The following ING5 variants were observed in gnomAD, a reference collection of about 807,000 sequenced individuals.
The protein encoded by ING5 is inhibitor of growth family member 5.
In ING5, 17 loss-of-function variants were observed where a neutral mutation model predicts 37.4. The observed-to-expected ratio is 0.45, with a 90% confidence interval of 0.31 to 0.68. The LOEUF is 0.68. Among genes scored for constraint, ING5 ranks in the 30% least tolerant of loss-of-function variants. ING5 has a pLI of 0.05. For synonymous variants in ING5, 123 were observed against 116.6 expected (o/e 1.06, Z -0.36); for missense variants, 233 against 311.9 (o/e 0.75, Z 1.91).
At chr2:241,702,025 CCG>C, upstream of ING5, 1 of 1,343,032 alleles carries the variant, frequency 7.4e-7, no homozygotes. Flanking sequence ...TCCCGCGGCA[CCG>C]CCCGCCCGCG....
At chr2:241,702,197 G>T in intron 1 of ING5, 95 bp downstream of exon 1, 1 of 594,656 alleles carries the variant, frequency 1.7e-6, no homozygotes, top group South Asian at 7.1e-5. Context: ...AGACCCCGTG[G>T]GCTCGGGAGG....
rs1455673000 is a variant in ING5, at chr2:241,710,046, G to A, written c.276+664G>A. Among the ~76,000 whole-genome samples, 6 of 151,530 alleles carry A rather than the reference G, an allele frequency of 4.0e-5. No homozygotes were observed. In the East Asian group the frequency reaches 7.8e-4, roughly 20 times the overall value. On this transcript the variant is annotated intron_variant, in intron 3 of 7. Transcript: ENST00000313552. ...CAACCTCCACCTCCTGGGTTTAAGC[G>A]ATTCTCCTGCCTCAGTCTCCCGAGT...
In ING5 at chr2:241,726,897, C is replaced by A. The variant is rs1691643023; in HGVS notation, c.*1866C>A. 1 of 152,132 alleles carries A rather than the reference C, an allele frequency of 6.6e-6. No homozygotes were observed. The highest frequency in any genetic ancestry group is 6.6e-5 in the Admixed American group (1 of 15,266). The allele number at this position is 152,132 out of a possible 1,614,324, so 9.4% of individuals were successfully genotyped here. On this transcript the variant is annotated 3_prime_UTR_variant, in exon 8 of 8. Transcript: ENST00000313552. ...GCAAGCTCCGCCTCCCGGGTTCACG[C>A]CATTCTCCTGCCTCAGCCCCCCCGA...
chr2:241,694,952 G>GGAGATTGCAGTGAGCC (rs1305093667), intron 2 of ING5, among the ~76,000 whole-genome samples: 2 of 81,522 alleles, frequency 2.5e-5, no homozygotes, highest in Non-Finnish European at 4.8e-5. Flanking sequence ...CCCAGGAGGA[G>GGAGATTGCAGTGAGCC]GAGATTGCAG....
chr2:241,695,744 T>C (rs1301730336), intron 2 of ING5, among the ~76,000 whole-genome samples: 1 of 152,146 alleles, frequency 6.6e-6, no homozygotes, highest in Non-Finnish European at 1.5e-5. Flanking sequence ...CGGTGATACA[T>C]AATGGGAACA....
exon 2 of ING5, chr2:241,690,221 A>G (rs2069529966): frequency 6.1e-6 from 1 of 163,366 alleles, no homozygotes; most frequent in South Asian, 2.0e-4. Flanking sequence ...AAGCACCTTG[A>G]AGTGTGTTAC....
At chr2:241,713,244 G>C (rs1171793919) in intron 5 of ING5, among the ~76,000 whole-genome samples, 1 of 151,718 alleles carries the variant, frequency 6.6e-6, no homozygotes, top group Non-Finnish European at 1.5e-5. Context: ...TTTTAGTAGA[G>C]ATGGGATTTC....
chr2:241,713,224 G>C (rs2124921145), intron 5 of ING5, among the ~76,000 whole-genome samples: 1 of 151,230 alleles, frequency 6.6e-6, no homozygotes, highest in South Asian at 2.1e-4. Flanking sequence ...GCCCGGCTAA[G>C]TTTTTGTATT....
chr2:241,720,719 G>A, intron 5 of ING5: 2 of 985,624 alleles, frequency 2.0e-6, no homozygotes, highest in Non-Finnish European at 2.4e-6. Context: ...TGGGGAGTTA[G>A]CACAGAGGGT....
intron 2 of ING5, among the ~76,000 whole-genome samples, chr2:241,706,094 A>G (rs2069902194): frequency 6.6e-6 from 1 of 151,926 alleles, no homozygotes; most frequent in South Asian, 2.1e-4. Context: ...CAGGCTGTCT[A>G]CCCTGACAGT....
intron 1 of ING5, among the ~76,000 whole-genome samples, chr2:241,702,583 G>A (rs1042458994): frequency 2.6e-5 from 4 of 152,044 alleles, no homozygotes; most frequent in Admixed American, 6.5e-5. Context: ...CCGGCCTCTT[G>A]TGTGACCGCG....
intron 5 of ING5, chr2:241,719,626 A>G: frequency 2.0e-6 from 3 of 1,535,772 alleles, no homozygotes; most frequent in Non-Finnish European, 2.6e-6. Context: ...TGCTAGGCAT[A>G]AGGAATGCAG....
intron 5 of ING5, chr2:241,720,591 G>A (rs34452219): frequency 0.4 from 398,836 of 986,042 alleles, 81,376 homozygotes; most frequent in South Asian, 0.49. Flanking sequence ...CTGGAATCCC[G>A]GGGCTTGGAC....
chr2:241,723,942 C>T lies in ING5; in HGVS notation c.680+671C>T, dbSNP rs560324207. 5.7e-5 allele frequency: 73 copies of T among 1,279,370 alleles called. No individual in the cohort carries two copies. In the South Asian group the frequency reaches 7.2e-4, roughly 13 times the overall value. The allele number at this position is 1,279,370 out of a possible 1,614,324, so 79.3% of individuals were successfully genotyped here. ...GGAGGATGGCTTGAGCCTGGAAGTC[C>T]GAGGCTTCAGTGAGCTGAGATCGCG... On this transcript the variant is annotated intron_variant, in intron 7 of 7. Coordinates refer to ENST00000313552, the MANE Select transcript of ING5 (RefSeq NM_032329.6).
intron 5 of ING5, among the ~76,000 whole-genome samples, chr2:241,719,330 A>G (rs2070366311): frequency 1.3e-5 from 2 of 152,124 alleles, no homozygotes; most frequent in Admixed American, 6.5e-5. Context: ...CCCAGCCCTC[A>G]CTCAGTGCAT....
At chr2:241,711,584 G>A (rs1436960767) in intron 4 of ING5, 96 bp downstream of exon 4, 11 of 913,922 alleles carry the variant, frequency 1.2e-5, no homozygotes, top group South Asian at 6.7e-5. Context: ...TGATCACTAG[G>A]GTAAGTATCA....
chr2:241,706,309 G>T (rs777187695), intron 2 of ING5, among the ~76,000 whole-genome samples: 49 of 151,990 alleles, frequency 3.2e-4, no homozygotes, highest in Admixed American at 8.5e-4. Context: ...CCTTTGGTAG[G>T]TTCCTGAAAA....
intron 2 of ING5, among the ~76,000 whole-genome samples, chr2:241,695,559 G>A (rs1010248453): frequency 2.0e-5 from 3 of 152,120 alleles, no homozygotes; most frequent in East Asian, 1.9e-4. Flanking sequence ...GATGGCACGC[G>A]CCTGTAGTCC....
At position 241,691,090 on chromosome 2, in the gene ING5, G is replaced by A. The variant is rs984087662; in HGVS notation, c.43+437G>A. On this transcript the variant is annotated intron_variant, in intron 2 of 7. Transcript: ENST00000636051. ...CTCCCAAAGCGCTGGGATTACAGGC[G>A]TGAGCCAGCGCACCCAGCCAGGTTA... 4.0e-5 allele frequency among the ~76,000 whole-genome samples: 6 copies of A among 151,854 alleles called. No homozygotes were observed. In the East Asian group the frequency reaches 5.9e-4, roughly 15 times the overall value.
Sources: allele counts gnomAD v4.1 joint callset (sites outside exome capture counted in the v4.1 genomes callset), GRCh38; gene constraint gnomAD v4.1.1; transcripts MANE v1.5; gene names NCBI Gene and HGNC (gene_info 2026-07-23, HGNC 2026-07-21).